The following PPP3CA variants were observed in gnomAD, a reference collection of about 807,000 sequenced individuals.
PPP3CA encodes protein phosphatase 3 catalytic subunit alpha, also known as CAM-PRP catalytic subunit.
A neutral mutation model predicts 66.5 loss-of-function variants in PPP3CA; 14 were observed. The observed-to-expected ratio is 0.21, with a 90% CI of 0.14 to 0.33. PPP3CA has a LOEUF of 0.33. Ranked by LOEUF, PPP3CA falls within the 10% of genes least tolerant of loss-of-function variation. PPP3CA has a pLI of 1.00. For synonymous variants in PPP3CA, 232 were observed against 226.2 expected (o/e 1.03, Z -0.23); for missense variants, 317 against 639.5 (o/e 0.50, Z 5.44).
intron 1 of PPP3CA, among the ~76,000 whole-genome samples, chr4:101,197,016 AT>A (rs1724816137): frequency 6.6e-6 from 1 of 152,212 alleles, no homozygotes; most frequent in Non-Finnish European, 1.5e-5. Context: ...CCAATAAGCT[AT>A]TTAAAAACTC....
rs535555494 is a variant in PPP3CA, at chr4:101,055,668, C to A, written c.1156+5419G>T. 2.6e-5 allele frequency among the ~76,000 whole-genome samples: 4 copies of A among 152,154 alleles called. No individual in the cohort carries two copies. The East Asian group carries it at 7.7e-4, about 29-fold the overall frequency. Reference sequence around the variant, plus strand: ...CATGACATGGTTTCCTATCCAGAAGCCTGTGTGAGCCAGAAGACTTTTTGT... The same window carrying A: ...CATGACATGGTTTCCTATCCAGAAGACTGTGTGAGCCAGAAGACTTTTTGT... On this transcript the variant is annotated intron_variant, in intron 10 of 13. Transcript: ENST00000394854.
chr4:101,169,083 A>G (rs1199287856), intron 2 of PPP3CA, among the ~76,000 whole-genome samples: 1 of 152,212 alleles, frequency 6.6e-6, no homozygotes, highest in East Asian at 1.9e-4. Flanking sequence ...ACTTTTGCAC[A>G]AGGGCAATTA....
chr4:101,193,785 A>T (rs1724694018), intron 2 of PPP3CA, among the ~76,000 whole-genome samples: 2 of 136,598 alleles, frequency 1.5e-5, no homozygotes, highest in Non-Finnish European at 3.0e-5. Context: ...GTTCATTTTA[A>T]CTTTAAAAAA....
At chr4:101,297,694 T>C (rs1031084912) in intron 1 of PPP3CA, among the ~76,000 whole-genome samples, 1 of 152,152 alleles carries the variant, frequency 6.6e-6, no homozygotes, top group Non-Finnish European at 1.5e-5. Flanking sequence ...ACAGGCCTTT[T>C]TCCCTACTTC....
intron 3 of PPP3CA, among the ~76,000 whole-genome samples, chr4:101,105,985 T>C (rs974217199): frequency 4.6e-5 from 7 of 152,086 alleles, no homozygotes; most frequent in Admixed American, 3.9e-4. Flanking sequence ...TAAGATGAAT[T>C]TAAGAGTTAC....
chr4:101,224,737 G>A (rs1390355525), intron 1 of PPP3CA, among the ~76,000 whole-genome samples: 2 of 151,794 alleles, frequency 1.3e-5, no homozygotes. Flanking sequence ...GGGGGATGGT[G>A]CAGAAGAACT....
intron 1 of PPP3CA, among the ~76,000 whole-genome samples, chr4:101,296,775 T>C (rs550407930): frequency 1.3e-5 from 2 of 152,316 alleles, no homozygotes; most frequent in Admixed American, 6.5e-5. Flanking sequence ...CATACATGAT[T>C]ATAATTGATA....
intron 2 of PPP3CA, among the ~76,000 whole-genome samples, chr4:101,125,995 T>C (rs1274320469): frequency 1.3e-5 from 2 of 152,174 alleles, no homozygotes; most frequent in Non-Finnish European, 2.9e-5. Context: ...TCATACTACA[T>C]GGTAGGGGGT....
intron 1 of PPP3CA, chr4:101,250,231 A>C (rs1169360004): frequency 8.4e-6 from 3 of 355,870 alleles, no homozygotes; most frequent in Non-Finnish European, 1.7e-5. Flanking sequence ...GGTCTGGGTC[A>C]AGGTCACGCA....
intron 6 of PPP3CA, among the ~76,000 whole-genome samples, chr4:101,092,771 G>A (rs1578438803): frequency 1.3e-5 from 2 of 152,062 alleles, no homozygotes; most frequent in South Asian, 4.2e-4. Flanking sequence ...CCATGTCCCT[G>A]CAAAGAACAT....
Position 101,093,224 on chromosome 4 carries a change from A to G in PPP3CA, c.782+552T>C, listed in dbSNP as rs141203738. Among the ~76,000 whole-genome samples the G allele has an allele frequency of 6.5e-3, 982 of 152,092 alleles. 12 individuals carry two copies. The highest frequency in any genetic ancestry group is 0.022 in the African/African-American group (916 of 41,480). ...GACCAGTGATGATGAGCATTTTTTC[A>G]TTGTTTTTTGGCCACATAAATGTCT... On this transcript the variant is annotated intron_variant, in intron 6 of 13. Coordinates refer to ENST00000394854, the MANE Select transcript of PPP3CA (RefSeq NM_000944.5).
chr4:101,154,726 A>G (rs1723256246), intron 2 of PPP3CA, among the ~76,000 whole-genome samples: 1 of 152,100 alleles, frequency 6.6e-6, no homozygotes, highest in South Asian at 2.1e-4. Flanking sequence ...ATGAATTTCA[A>G]ATATGCACTG....
chr4:101,276,283 T>C (rs989441438), intron 1 of PPP3CA, among the ~76,000 whole-genome samples: 2 of 152,152 alleles, frequency 1.3e-5, no homozygotes, highest in African/African-American at 4.8e-5. Context: ...GGACCTCCTC[T>C]GAAACTTGTA....
intron 2 of PPP3CA, among the ~76,000 whole-genome samples, chr4:101,117,526 G>C (rs1721881164): frequency 6.6e-6 from 1 of 150,876 alleles, no homozygotes; most frequent in South Asian, 2.1e-4. Flanking sequence ...TTTTCCATCT[G>C]ATACCACTAT....
intron 8 of PPP3CA, among the ~76,000 whole-genome samples, chr4:101,077,547 C>T (rs1334213619): frequency 6.6e-6 from 1 of 152,130 alleles, no homozygotes; most frequent in African/African-American, 2.4e-5. Context: ...TAATTGACTC[C>T]CACTCCCACA....
intron 3 of PPP3CA, among the ~76,000 whole-genome samples, 181 bp from the exon 4 acceptor site, chr4:101,099,903 G>C (rs534515929): frequency 0.012 from 1,849 of 151,982 alleles, 21 homozygotes; most frequent in Non-Finnish European, 0.018. Flanking sequence ...TTGGTAAAAA[G>C]CCAAGGTCCA....
At chr4:101,060,361 G>C in intron 10 of PPP3CA, among the ~76,000 whole-genome samples, 1 of 151,998 alleles carries the variant, frequency 6.6e-6, no homozygotes, top group Non-Finnish European at 1.5e-5. Flanking sequence ...ACTGCACCCG[G>C]CCTCAACTGT....
At chr4:101,070,329 A>C (rs1034748180) in intron 8 of PPP3CA, among the ~76,000 whole-genome samples, 9 of 152,232 alleles carry the variant, frequency 5.9e-5, no homozygotes, top group African/African-American at 2.2e-4. Context: ...CAGGATACTA[A>C]AAACATAACT....
chr4:101,077,698 T>C (rs1578424893), intron 8 of PPP3CA, among the ~76,000 whole-genome samples: 1 of 152,200 alleles, frequency 6.6e-6, no homozygotes, highest in East Asian at 1.9e-4. Context: ...GAATATTTTC[T>C]TTTATGAAGG....
Sources: gnomAD v4.1 joint callset for allele counts (sites outside exome capture counted in the v4.1 genomes callset) on GRCh38, gnomAD v4.1.1 for gene constraint, MANE v1.5 for transcripts, NCBI Gene and HGNC (gene_info 2026-07-23, HGNC 2026-07-21) for gene names.